Variants in REEP1 observed in about 807,000 individuals in gnomAD.
The protein encoded by REEP1 is receptor accessory protein 1.
In REEP1, 22 loss-of-function variants were observed where a neutral mutation model predicts 40.3. The observed-to-expected ratio is 0.55, with a 90% confidence interval of 0.39 to 0.78. The LOEUF is 0.78. REEP1 is among the 30% of genes least tolerant of loss of function. The probability of loss-of-function intolerance (pLI) is 0.00; values close to 1 mark genes in which losing one functional copy is unlikely to be tolerated. For synonymous variants in REEP1, 116 were observed against 139.2 expected (o/e 0.83, Z 1.17); for missense variants, 280 against 361.1 (o/e 0.78, Z 1.82).
intron 1 of REEP1, among the ~76,000 whole-genome samples, chr2:86,315,514 C>T (rs1299168275): frequency 6.6e-6 from 1 of 152,208 alleles, no homozygotes; most frequent in Admixed American, 6.5e-5. Flanking sequence ...AGTTGTTTCC[C>T]TCAGTGGTGA....
chr2:86,273,062 C>G (rs1677545903), intron 2 of REEP1, among the ~76,000 whole-genome samples: 1 of 151,490 alleles, frequency 6.6e-6, no homozygotes, highest in Non-Finnish European at 1.5e-5. Context: ...GAGGTCAAGG[C>G]TGCAGTGCTG....
intron 5 of REEP1, among the ~76,000 whole-genome samples, chr2:86,250,841 G>A (rs1172820637): frequency 6.6e-6 from 1 of 152,094 alleles, no homozygotes; most frequent in Non-Finnish European, 1.5e-5. Flanking sequence ...TGATCCTAAT[G>A]TGCTTCTCTT....
chr2:86,218,348 C>T (rs1674238573), intron 8 of REEP1, among the ~76,000 whole-genome samples: 1 of 152,178 alleles, frequency 6.6e-6, no homozygotes. Flanking sequence ...AGGCCCATGT[C>T]GCATTCACCA....
intron 3 of REEP1, among the ~76,000 whole-genome samples, chr2:86,257,540 C>T (rs1257266242): frequency 6.6e-6 from 1 of 152,152 alleles, no homozygotes; most frequent in Non-Finnish European, 1.5e-5. Flanking sequence ...TCTATACACC[C>T]GTTACTACAT....
rs563365287 is a variant in REEP1, at chr2:86,254,286, C to A, written c.303+408G>T. On this transcript the variant is annotated intron_variant, in intron 4 of 8. Transcript: ENST00000538924. ...GCTCAAGTGATTCTCCCACCTTATA[C>A]CCCTGAGTAGCTGGAATTACAGGCA... Among the ~76,000 whole-genome samples, 15 of 152,190 alleles carry A rather than the reference C, an allele frequency of 9.9e-5. No homozygotes were observed. The South Asian group carries it at 2.7e-3, about 27-fold the overall frequency.
intron 3 of REEP1, among the ~76,000 whole-genome samples, chr2:86,261,893 G>A (rs1676876031): frequency 6.6e-6 from 1 of 152,228 alleles, no homozygotes; most frequent in South Asian, 2.1e-4. Context: ...GGCTGGAGGT[G>A]GGACATGCGG....
chr2:86,279,240 G>A (rs921689469), intron 2 of REEP1, among the ~76,000 whole-genome samples: 1 of 152,246 alleles, frequency 6.6e-6, no homozygotes, highest in African/African-American at 2.4e-5. Context: ...CTTGGGTGTT[G>A]AGATTACAGC....
chr2:86,263,673 T>A (rs1230173338), intron 3 of REEP1, among the ~76,000 whole-genome samples: 1 of 152,246 alleles, frequency 6.6e-6, no homozygotes, highest in Non-Finnish European at 1.5e-5. Flanking sequence ...TTTTTTAACG[T>A]ACGAATGCTT....
intron 1 of REEP1, among the ~76,000 whole-genome samples, chr2:86,307,289 T>A (rs1293069694): frequency 2.7e-5 from 4 of 150,664 alleles, no homozygotes; most frequent in African/African-American, 9.8e-5. Context: ...AACAAATGAG[T>A]AGACCATACC....
rs192715169 is a variant in REEP1, at chr2:86,282,272, G to A, written c.33-30C>T. 1.7e-4 allele frequency: 245 copies of A among 1,465,050 alleles called. No homozygotes were observed. The East Asian group carries it at 5.4e-3, about 32-fold the overall frequency. 90.8% of individuals were successfully genotyped at this position (1,465,050 alleles called of 1,614,324 possible). On this transcript the variant is annotated intron_variant, in intron 1 of 8. Coordinates refer to ENST00000538924, the MANE Select transcript of REEP1 (RefSeq NM_001371279.1). Reference sequence around the variant, plus strand: ...AGGGAAGAGAGACAAAAATAAATACGATTTTTCATTTATCTTATTTAATGG... The same window carrying A: ...AGGGAAGAGAGACAAAAATAAATACAATTTTTCATTTATCTTATTTAATGG...
At chr2:86,281,720 A>G (rs1558911763) in intron 2 of REEP1, among the ~76,000 whole-genome samples, 1 of 152,178 alleles carries the variant, frequency 6.6e-6, no homozygotes, top group Non-Finnish European at 1.5e-5. Context: ...GTGGATTTGG[A>G]ATGAAAGAAA....
chr2:86,292,008 G>A (rs1181542481), intron 1 of REEP1, among the ~76,000 whole-genome samples: 1 of 152,166 alleles, frequency 6.6e-6, no homozygotes, highest in East Asian at 1.9e-4. Context: ...TGTTGTTTTT[G>A]TTTGTTTTTA....
At chr2:86,236,479 C>G (rs1675329417) in intron 5 of REEP1, among the ~76,000 whole-genome samples, 1 of 152,000 alleles carries the variant, frequency 6.6e-6, no homozygotes, top group African/African-American at 2.4e-5. Context: ...GCATTAATAC[C>G]ATATTCCCCA....
intron 2 of REEP1, among the ~76,000 whole-genome samples, chr2:86,268,045 T>A (rs1677237938): frequency 6.6e-6 from 1 of 152,026 alleles, no homozygotes; most frequent in Non-Finnish European, 1.5e-5. Flanking sequence ...CAGCTAACAT[T>A]AGACTTACTG....
intron 8 of REEP1, among the ~76,000 whole-genome samples, chr2:86,219,158 T>C (rs190073757): frequency 6.6e-5 from 10 of 152,348 alleles, no homozygotes; most frequent in Admixed American, 1.3e-4. Flanking sequence ...GTCAAGGGTA[T>C]TGGTTTTGGT....
intron 5 of REEP1, among the ~76,000 whole-genome samples, chr2:86,246,025 A>G (rs1675935365): frequency 1.3e-5 from 2 of 152,084 alleles, no homozygotes; most frequent in South Asian, 2.1e-4. Context: ...TGGCCTCCCA[A>G]AGTGCTGGGA....
At chr2:86,296,996 C>T (rs895798922) in intron 1 of REEP1, among the ~76,000 whole-genome samples, 1 of 152,200 alleles carries the variant, frequency 6.6e-6, no homozygotes, top group East Asian at 1.9e-4. Flanking sequence ...CGTGGATCTA[C>T]CCCCTCCCTC....
At chr2:86,250,045 C>T (rs1206098786) in intron 5 of REEP1, among the ~76,000 whole-genome samples, 1 of 152,168 alleles carries the variant, frequency 6.6e-6, no homozygotes, top group Non-Finnish European at 1.5e-5. Flanking sequence ...TTTTAGGTTT[C>T]AGCTGCTATA....
intron 5 of REEP1, chr2:86,251,514 A>C: frequency 8.9e-6 from 2 of 224,416 alleles, no homozygotes; most frequent in Admixed American, 5.2e-5. Context: ...CCGCTTGCTC[A>C]GGTAGTCTCT....
Sources: gnomAD v4.1 joint callset for allele counts (sites outside exome capture counted in the v4.1 genomes callset) on GRCh38, gnomAD v4.1.1 for gene constraint, MANE v1.5 for transcripts, NCBI Gene and HGNC (gene_info 2026-07-23, HGNC 2026-07-21) for gene names.